Variants in TULP3 observed in about 807,000 individuals in gnomAD.
TULP3 encodes TUB like protein 3, also known as tubby-related protein 3.
A neutral mutation model predicts 50.7 loss-of-function variants in TULP3; 38 were observed. That is an observed-to-expected ratio of 0.75 (90% CI 0.58 to 0.98). The LOEUF (loss-of-function observed/expected upper bound fraction) is 0.98. TULP3 is among the 50% of genes least tolerant of loss of function. The pLI is 0.00. For missense variants in TULP3, 550 were observed against 568.0 expected, an observed-to-expected ratio of 0.97 and a Z score of 0.32; for synonymous variants, 183 against 196.6, an observed-to-expected ratio of 0.93 and a Z score of 0.58.
intron 1 of TULP3, among the ~76,000 whole-genome samples, chr12:2,893,864 G>A (rs1182658828): frequency 2.0e-5 from 3 of 148,602 alleles, no homozygotes; most frequent in Non-Finnish European, 4.4e-5. Context: ...GGATGGTCTT[G>A]AAGTCCTGGT....
At chr12:2,914,403 C>T (rs1162264176) in intron 2 of TULP3, among the ~76,000 whole-genome samples, 3 of 152,076 alleles carry the variant, frequency 2.0e-5, no homozygotes, top group African/African-American at 7.2e-5. Context: ...GGATTACAGG[C>T]ATGAGCTACC....
At chr12:2,903,612 C>T (rs1214533065) in intron 1 of TULP3, among the ~76,000 whole-genome samples, 1 of 151,654 alleles carries the variant, frequency 6.6e-6, no homozygotes, top group African/African-American at 2.4e-5. Flanking sequence ...TGAAAAGTTG[C>T]AAGAAAGCAC....
At chr12:2,926,911 A>G (rs1223304283) in intron 4 of TULP3, among the ~76,000 whole-genome samples, 2 of 152,212 alleles carry the variant, frequency 1.3e-5, no homozygotes, top group African/African-American at 2.4e-5. Flanking sequence ...CTGTCTTTAA[A>G]TAAATAAACA....
chr12:2,933,478 A>G lies in TULP3; in HGVS notation c.757A>G (p.Ile253Val). 6 of 1,612,996 alleles carry G rather than the reference A, an allele frequency of 3.7e-6. No homozygotes were observed. Among genetic ancestry groups the G allele is most frequent in the Non-Finnish European group, 5.1e-6 (6 of 1,179,068 alleles). ...CAAAACAGCCAACTACCTTATCTCC[A>G]TTGATCCAGTTGATTTATCTCGTGA... ...KSKTANYLISIDPVDLSREGE... is the reference protein window; with the variant it reads ...KSKTANYLISVDPVDLSREGE... Residue 253 changes from isoleucine (I) to valine (V), a missense_variant, in exon 7 of 11, where the codon ATT (isoleucine) becomes GTT (valine). Ile to Val is a conservative substitution (Grantham distance 29). Coordinates refer to ENST00000448120, the MANE Select transcript of TULP3 (RefSeq NM_003324.5).
At chr12:2,900,007 G>A (rs573691016) in intron 1 of TULP3, among the ~76,000 whole-genome samples, 141 of 151,884 alleles carry the variant, frequency 9.3e-4, no homozygotes, top group African/African-American at 3.3e-3. Flanking sequence ...CTGAGATCAC[G>A]AGTTCGAGAC....
chr12:2,920,551 T>G (rs544713983), intron 2 of TULP3, among the ~76,000 whole-genome samples: 3 of 152,200 alleles, frequency 2.0e-5, no homozygotes, highest in East Asian at 3.9e-4. Context: ...TAAATAGATC[T>G]TTATAGGTGT....
intron 4 of TULP3, among the ~76,000 whole-genome samples, chr12:2,924,240 G>A (rs1236449460): frequency 1.3e-5 from 2 of 152,152 alleles, no homozygotes; most frequent in African/African-American, 4.8e-5. Flanking sequence ...AGGAAGAGGT[G>A]CTGGCCAGTT....
At chr12:2,929,361 G>A (rs1201184652) in intron 4 of TULP3, among the ~76,000 whole-genome samples, 1 of 152,202 alleles carries the variant, frequency 6.6e-6, no homozygotes, top group Non-Finnish European at 1.5e-5. Flanking sequence ...CCAGGCTGGG[G>A]TGCAGTGGCA....
Position 2,939,196 on chromosome 12 carries a change from G to A in TULP3, c.1196-115G>A, listed in dbSNP as rs1411873845. On this transcript the variant is annotated intron_variant, in intron 10 of 10. Transcript: ENST00000448120. The surrounding 1 kb of genome is among the most constrained non-coding windows in gnomAD (Gnocchi z 4.0). ...CAGTGAGCTGTGGTCATTCCACTAG[G>A]CTCCAGCCAGGGCGACAGAGCAAAA... The A allele has an allele frequency of 1.7e-6, 2 of 1,189,820 alleles. No individual in the cohort carries two copies. Among genetic ancestry groups the A allele is most frequent in the Non-Finnish European group, 1.2e-6 (1 of 837,538 alleles). The allele number at this position is 1,189,820 out of a possible 1,614,324, so 73.7% of individuals were successfully genotyped here.
At chr12:2,899,634 C>T (rs1461709230) in intron 1 of TULP3, among the ~76,000 whole-genome samples, 1 of 152,210 alleles carries the variant, frequency 6.6e-6, no homozygotes, top group Non-Finnish European at 1.5e-5. Flanking sequence ...TGGCTCACGC[C>T]TGTAATCCCA....
chr12:2,892,423 G>C (rs1417065311), intron 1 of TULP3, among the ~76,000 whole-genome samples: 1 of 151,556 alleles, frequency 6.6e-6, no homozygotes, highest in Non-Finnish European at 1.5e-5. Flanking sequence ...TAAATTTCAT[G>C]AGTACCAGAT....
Position 2,914,852 on chromosome 12 carries a change from T to TG in TULP3, c.93+5273dup, listed in dbSNP as rs530305779. On this transcript the variant is annotated intron_variant, in intron 2 of 10. Transcript: ENST00000448120. ...TTCACCATGTTGGCTAGGCTGGTCT[T>TG]GAACTCCTGGCCTCAAGTGATCCAG... Among the ~76,000 whole-genome samples, 115 of 152,150 alleles carry TG rather than the reference T, an allele frequency of 7.6e-4. No homozygotes were observed. In the South Asian group the frequency reaches 0.023, roughly 31 times the overall value.
intron 1 of TULP3, among the ~76,000 whole-genome samples, chr12:2,891,621 T>C (rs2153947006): frequency 6.6e-6 from 1 of 152,280 alleles, no homozygotes; most frequent in South Asian, 2.1e-4. Context: ...AATCTCAGCG[T>C]GTCACTTTCT....
chr12:2,919,139 G>T (rs1034452236), intron 2 of TULP3, among the ~76,000 whole-genome samples: 1 of 151,968 alleles, frequency 6.6e-6, no homozygotes, highest in Non-Finnish European at 1.5e-5. Flanking sequence ...TGATCCACCT[G>T]ACTCTGCCTC....
At chr12:2,937,834 C>G in intron 9 of TULP3, 105 bp downstream of exon 9, 1 of 1,018,036 alleles carries the variant, frequency 9.8e-7, no homozygotes, top group African/African-American at 1.6e-5. Context: ...TCCAGAGCCC[C>G]ACACTGGAGA....
At chr12:2,915,113 C>T (rs1025249969) in intron 2 of TULP3, among the ~76,000 whole-genome samples, 1 of 151,908 alleles carries the variant, frequency 6.6e-6, no homozygotes, top group African/African-American at 2.4e-5. Context: ...CTCAGCCTCT[C>T]GAGTAGCTAG....
chr12:2,907,405 G>T (rs187854754), intron 1 of TULP3, among the ~76,000 whole-genome samples: 1 of 151,100 alleles, frequency 6.6e-6, no homozygotes, highest in African/African-American at 2.4e-5. Context: ...AACCTGGGAG[G>T]CAGAGGTTGC....
chr12:2,919,546 G>A (rs943769781), intron 2 of TULP3, among the ~76,000 whole-genome samples: 2 of 152,122 alleles, frequency 1.3e-5, no homozygotes, highest in African/African-American at 4.8e-5. Flanking sequence ...ATGGAAAAAA[G>A]TAAACAGATG....
intron 6 of TULP3, among the ~76,000 whole-genome samples, chr12:2,932,943 A>ATTTT (rs202247754): frequency 6.7e-6 from 1 of 149,498 alleles, no homozygotes. Flanking sequence ...TTTTATTTTT[A>ATTTT]TTTTTTATTT....
Sources: gnomAD v4.1 joint callset for allele counts (sites outside exome capture counted in the v4.1 genomes callset) on GRCh38, gnomAD v4.1.1 for gene constraint, Gnocchi (gnomAD v3.1) non-coding constraint, MANE v1.5 for transcripts, NCBI Gene and HGNC (gene_info 2026-07-23, HGNC 2026-07-21) for gene names.